The following KLHL10 variants were observed in gnomAD, a reference collection of about 807,000 sequenced individuals.
The protein encoded by KLHL10 is kelch like family member 10, also known as kelch-like protein 10.
Under a neutral mutation model 46.6 loss-of-function variants are expected in KLHL10, and 11 were observed. The observed-to-expected ratio is 0.24, with a 90% CI of 0.15 to 0.39. The LOEUF (loss-of-function observed/expected upper bound fraction) is 0.39, where lower values mean the gene tolerates loss of function less well. Among genes scored for constraint, KLHL10 ranks in the 10% least tolerant of loss-of-function variants. KLHL10 has a pLI of 1.00. For synonymous variants in KLHL10, 254 were observed against 279.1 expected (o/e 0.91, Z 0.90); for missense variants, 475 against 789.8 (o/e 0.60, Z 4.78).
intron 1 of KLHL10, among the ~76,000 whole-genome samples, chr17:41,840,123 G>A (rs1481027036): frequency 1.3e-5 from 2 of 152,166 alleles, no homozygotes; most frequent in Non-Finnish European, 2.9e-5. Flanking sequence ...GAGCCAACGC[G>A]CTCAGCTGAG....
intron 1 of KLHL10, among the ~76,000 whole-genome samples, chr17:41,841,346 G>A (rs1171385318): frequency 1.3e-5 from 2 of 151,992 alleles, no homozygotes; most frequent in African/African-American, 4.8e-5. Context: ...ACAGAGTCTC[G>A]CTGTGTCCCC....
chr17:41,838,273 T>C (rs906749120), intron 1 of KLHL10, 147 bp downstream of exon 1: 2 of 693,026 alleles, frequency 2.9e-6, no homozygotes, highest in South Asian at 3.7e-5. Flanking sequence ...AAAAAATTTT[T>C]TTTTTAGAGA....
chr17:41,840,122 C>T (rs1177974255), intron 1 of KLHL10, among the ~76,000 whole-genome samples: 1 of 152,112 alleles, frequency 6.6e-6, no homozygotes. Flanking sequence ...TGAGCCAACG[C>T]GCTCAGCTGA....
In KLHL10 at chr17:41,838,180, C is replaced by A. The variant is rs781925177; in HGVS notation, c.194+54C>A. ...AGGGGTAATTGGGCTCATTTTGAGA[C>A]ACTTTGATCCATTTTCTGTTTCCCA... On this transcript the variant is annotated intron_variant, in intron 1 of 4. Transcript: ENST00000293303. 15 of 1,390,432 alleles carry A rather than the reference C, an allele frequency of 1.1e-5. No individual in the cohort carries two copies. The East Asian group carries it at 1.1e-4, about 11-fold the overall frequency. 86.1% of individuals were successfully genotyped at this position (1,390,432 alleles called of 1,614,324 possible). A position where few individuals can be genotyped will look rare whatever the true frequency, so the allele number is the denominator to read the frequency against.
In KLHL10 at chr17:41,845,887, A is replaced by G. The variant is rs2048279279; in HGVS notation, c.1302+144A>G. 3.8e-6 allele frequency: 4 copies of G among 1,052,972 alleles called. No individual in the cohort carries two copies. The Admixed American group carries it at 6.2e-5, about 16-fold the overall frequency. The allele number at this position is 1,052,972 out of a possible 1,614,324, so 65.2% of individuals were successfully genotyped here. A position where few individuals can be genotyped will look rare whatever the true frequency, so the allele number is the denominator to read the frequency against. On this transcript the variant is annotated intron_variant, in intron 3 of 4. Coordinates refer to ENST00000293303, the MANE Select transcript of KLHL10 (RefSeq NM_152467.5). Reference sequence around the variant, plus strand: ...TCTTTCTTCAATTGACAAGGTGACTAGTTGCAACTGTCTTTTATGTTGTTT... The same window carrying G: ...TCTTTCTTCAATTGACAAGGTGACTGGTTGCAACTGTCTTTTATGTTGTTT...
intron 2 of KLHL10, 98 bp downstream of exon 2, chr17:41,842,410 A>T: frequency 7.0e-7 from 1 of 1,427,194 alleles, no homozygotes. Flanking sequence ...ACATGTCCTT[A>T]GATAGAAGGC....
chr17:41,842,138 G>C lies in KLHL10; in HGVS notation c.510G>C (p.Glu170Asp). The change falls in exon 2 of 5, where the codon GAG becomes GAC. Residue 170 changes from glutamate to aspartate, a missense_variant. Physicochemically the swap from Glu to Asp is conservative, Grantham distance 45. Coordinates refer to ENST00000293303, the MANE Select transcript of KLHL10 (RefSeq NM_152467.5). ...TGTTCATACTGCACAACTTTGAGGA[G>C]ATGGTGAAAGTCTCGGCAGAATTTT... is the stretch of plus-strand genomic sequence containing the variant. ...AYMFILHNFEEMVKVSAEFLE... is the reference protein window; with the variant it reads ...AYMFILHNFEDMVKVSAEFLE... The C allele has an allele frequency of 6.2e-7, 1 of 1,614,210 alleles. No homozygotes were observed. Among genetic ancestry groups the C allele is most frequent in the Non-Finnish European group, 8.5e-7 (1 of 1,180,050 alleles).
At chr17:41,837,712 G>A (rs532675061), upstream of KLHL10, 11 of 1,281,974 alleles carry the variant, frequency 8.6e-6, no homozygotes, top group Non-Finnish European at 1.0e-5. Flanking sequence ...GTGGTAAGGA[G>A]GGGAGAAGGA....
intron 2 of KLHL10, 57 bp from the exon 3 acceptor site, chr17:41,845,069 G>A (rs1331410443): frequency 1.2e-6 from 2 of 1,611,256 alleles, no homozygotes; most frequent in African/African-American, 2.7e-5. Context: ...AGTTAAGGAT[G>A]TGGGATTTCC....
At chr17:41,841,025 A>G (rs1555620663) in intron 1 of KLHL10, among the ~76,000 whole-genome samples, 1 of 152,006 alleles carries the variant, frequency 6.6e-6, no homozygotes, top group Non-Finnish European at 1.5e-5. Context: ...CTATAATCCC[A>G]GCTACTCAAG....
In KLHL10 at chr17:41,847,971, C is replaced by G. The variant is rs1024916024; in HGVS notation, c.1491C>G (p.Ala497=). The G allele has an allele frequency of 1.2e-6, 2 of 1,614,156 alleles. No individual in the cohort carries two copies. The highest frequency in any genetic ancestry group is 1.1e-5 in the South Asian group (1 of 91,070). ...ATGGAGCTAATCGACTTAGGAGTGC[C>G]GAAGCCTACAGCCCTGTGGCTAACA... ...GFDGANRLRS[A]EAYSPVANTW... Residue 497 remains alanine (A), a synonymous_variant, in exon 5 of 5, where the codon GCC becomes GCG. Coordinates refer to ENST00000293303, the MANE Select transcript of KLHL10 (RefSeq NM_152467.5).
At chr17:41,843,125 CAAA>C (rs34537711) in intron 2 of KLHL10, among the ~76,000 whole-genome samples, 3 of 123,116 alleles carry the variant, frequency 2.4e-5, no homozygotes. Context: ...GACCCTGTCT[CAAA>C]AAAAAAAAAA....
intron 2 of KLHL10, among the ~76,000 whole-genome samples, chr17:41,842,589 G>A (rs1445399631): frequency 3.3e-5 from 5 of 152,152 alleles, no homozygotes; most frequent in Non-Finnish European, 5.9e-5. Context: ...GGCCGAGGTG[G>A]AGAATCACTT....
rs141860514 is a variant in KLHL10 at position 41,845,253 on chromosome 17, T to C, written c.812T>C (p.Met271Thr). Residue 271 changes from methionine to threonine, a missense_variant, in exon 3 of 5, where the codon ATG (methionine) becomes ACG (threonine). Transcript: ENST00000293303. Reference protein sequence around the residue: ...NALKAMYDLNMNGPSNSDFTN... With the variant: ...NALKAMYDLNTNGPSNSDFTN... ...CTAAAGGCCATGTATGACCTCAACATGAATGGACCCTCTAATTCTGATTTC... is the reference window on the plus strand; with the variant it reads ...CTAAAGGCCATGTATGACCTCAACACGAATGGACCCTCTAATTCTGATTTC... The C allele has an allele frequency of 1.1e-5, 17 of 1,614,234 alleles. No individual in the cohort carries two copies. The highest frequency in any genetic ancestry group is 1.4e-5 in the Non-Finnish European group (17 of 1,180,036).
At chr17:41,840,795 GACC>G (rs2048218614) in intron 1 of KLHL10, among the ~76,000 whole-genome samples, 1 of 150,596 alleles carries the variant, frequency 6.6e-6, no homozygotes, top group African/African-American at 2.4e-5. Flanking sequence ...TGATTTCTAA[GACC>G]ACATTTCCTT....
chr17:41,835,860 T>C (rs1439803051), upstream of KLHL10: 3 of 1,607,306 alleles, frequency 1.9e-6, no homozygotes, highest in Non-Finnish European at 2.5e-6. Flanking sequence ...CAGAGGTACC[T>C]GTAACCGGTC....
intron 2 of KLHL10, among the ~76,000 whole-genome samples, chr17:41,844,064 CTATT>C (rs1242098858): frequency 2.0e-5 from 3 of 149,782 alleles, no homozygotes; most frequent in East Asian, 2.0e-4. Context: ...CGGCTGACAA[CTATT>C]TATTTATTTT....
chr17:41,839,723 A>AT (rs2048207185), intron 1 of KLHL10, among the ~76,000 whole-genome samples: 1 of 151,608 alleles, frequency 6.6e-6, no homozygotes, highest in African/African-American at 2.4e-5. Flanking sequence ...TTTTATTTTT[A>AT]TTTTTTTGAG....
upstream of KLHL10, chr17:41,837,586 CAGGTG>C: frequency 8.9e-7 from 1 of 1,119,788 alleles, no homozygotes; most frequent in Non-Finnish European, 1.1e-6. Flanking sequence ...AGACCTGTAT[CAGGTG>C]AGTAACAGGA....
Sources: allele counts gnomAD v4.1 joint callset (sites outside exome capture counted in the v4.1 genomes callset), GRCh38; gene constraint gnomAD v4.1.1; transcripts MANE v1.5; gene names NCBI Gene and HGNC (gene_info 2026-07-23, HGNC 2026-07-21).